The following TEDC2 variants were observed in gnomAD, a reference collection of about 807,000 sequenced individuals.
TEDC2 encodes the protein tubulin epsilon and delta complex 2, also known as tubulin epsilon and delta complex protein 2.
A neutral mutation model predicts 48.1 loss-of-function variants in TEDC2; 49 were observed. The ratio of observed to expected loss-of-function variants is 1.02; its 90% confidence interval spans 0.81 to 1.29. TEDC2 has a LOEUF of 1.29. TEDC2 is among the 50% of genes most tolerant of loss of function. TEDC2 has a pLI of 0.00. For synonymous variants in TEDC2, 299 were observed against 247.1 expected (o/e 1.21, Z -1.97); for missense variants, 631 against 571.4 (o/e 1.10, Z -1.06).
chr16:2,460,221 C>A, intron 1 of TEDC2, 51 bp downstream of exon 1: 1 of 1,455,206 alleles, frequency 6.9e-7, no homozygotes, highest in Non-Finnish European at 9.0e-7. Flanking sequence ...GGGCCGGTAG[C>A]CAGGCGCGGG....
At chr16:2,461,695 T>C in intron 4 of TEDC2, 52 bp from the exon 5 acceptor site, 55 of 1,607,426 alleles carry the variant, frequency 3.4e-5, no homozygotes, top group Non-Finnish European at 4.5e-5. Flanking sequence ...AAGTGGGACT[T>C]GTAGACCCCA....
chr16:2,463,315 C>T (rs557188709), intron 8 of TEDC2, among the ~76,000 whole-genome samples: 1 of 149,370 alleles, frequency 6.7e-6, no homozygotes, highest in African/African-American at 2.5e-5. Context: ...AGTGAGATGC[C>T]GTCTCAGAAA....
At position 2,461,732 on chromosome 16, in the gene TEDC2, G is replaced by A. The variant is rs754093117; in HGVS notation, c.606-15G>A. ...AGCAAGGCGATGCTCCTCTGAACAC[G>A]GGCTTCTCCGACAGGCACCTGCTGC... On this transcript the variant is annotated splice_polypyrimidine_tract_variant and intron_variant, in intron 4 of 9. Transcript: ENST00000361837. 6.2e-6 allele frequency: 10 copies of A among 1,613,160 alleles called. No homozygotes were observed. The highest frequency in any genetic ancestry group is 1.6e-4 in the Middle Eastern group (1 of 6,062).
chr16:2,461,867 A>G (rs2141838550), intron 5 of TEDC2, 67 bp downstream of exon 5: 1 of 1,575,268 alleles, frequency 6.3e-7, no homozygotes. Flanking sequence ...GCTCGGGGAC[A>G]GGTTCGAGAT....
At position 2,464,590 on chromosome 16, in the gene TEDC2, G is replaced by A. The variant is rs757359775; in HGVS notation, c.1224G>A (p.Leu408=). ...AQPQGPPWLA[L]CRAVHSLLCE... ...CGCAGGGGCCGCCCTGGCTGGCCCT[G>A]TGCCGGGCTGTGCACAGCCTGCTCT... The change falls in exon 10 of 10, where the codon CTG becomes CTA. Residue 408 remains leucine (L), a synonymous_variant. Coordinates refer to ENST00000361837, the MANE Select transcript of TEDC2 (RefSeq NM_025108.3). 1 of 1,610,430 alleles carries A rather than the reference G, an allele frequency of 6.2e-7. No individual in the cohort carries two copies. The highest frequency in any genetic ancestry group is 8.5e-7 in the Non-Finnish European group (1 of 1,179,842).
chr16:2,460,170 G>T lies in TEDC2; in HGVS notation c.26G>T (p.Arg9Leu), dbSNP rs1488321694. Reference protein sequence around the residue: MLPAGCSRRLVAELQGALD... With the variant: MLPAGCSRLLVAELQGALD... Reference sequence around the variant, plus strand: ...ATGCTGCCGGCGGGCTGCTCGCGCCGGTGAGGCCTGCGCGGCAGGAGGGGG... The same window carrying T: ...ATGCTGCCGGCGGGCTGCTCGCGCCTGTGAGGCCTGCGCGGCAGGAGGGGG... The change falls in exon 1 of 10, where the codon CGG becomes CTG. Residue 9 changes from arginine (R) to leucine (L), a missense_variant and splice_region_variant. Arg to Leu is a moderately radical substitution (Grantham distance 102). Coordinates refer to ENST00000361837, the MANE Select transcript of TEDC2 (RefSeq NM_025108.3). The T allele has an allele frequency of 1.0e-5, 14 of 1,373,272 alleles. No homozygotes were observed. The highest frequency in any genetic ancestry group is 1.3e-5 in the Non-Finnish European group (14 of 1,073,866). 85.1% of individuals were successfully genotyped at this position (1,373,272 alleles called of 1,614,324 possible).
chr16:2,464,657 C>G lies in TEDC2; in HGVS notation c.1291C>G (p.Pro431Ala), dbSNP rs780392882. 3 of 1,613,086 alleles carry G rather than the reference C, an allele frequency of 1.9e-6. No individual in the cohort carries two copies. Among genetic ancestry groups the G allele is most frequent in the Non-Finnish European group, 2.5e-6 (3 of 1,179,978 alleles). The change falls in exon 10 of 10, where the codon CCT (proline) becomes GCT (alanine). Residue 431 changes from proline to alanine, a missense_variant. Pro to Ala is a conservative substitution (Grantham distance 27, BLOSUM62 -1). Coordinates refer to ENST00000361837, the MANE Select transcript of TEDC2 (RefSeq NM_025108.3). ...TGTCCTTACCATCCTGCGGGATGAACCTGCAGTCTGAGCCTTTCCCATGCT... is the reference window on the plus strand; with the variant it reads ...TGTCCTTACCATCCTGCGGGATGAAGCTGCAGTCTGAGCCTTTCCCATGCT... ...ARVLTILRDE[P>A]AV
At chr16:2,461,334 T>C in intron 4 of TEDC2, 110 bp downstream of exon 4, 1 of 1,325,530 alleles carries the variant, frequency 7.5e-7, no homozygotes, top group Non-Finnish European at 1.0e-6. Flanking sequence ...CATCGAGCCC[T>C]GTGGCATACC....
rs201787877 is a variant in TEDC2, at chr16:2,464,618, G to A, written c.1252G>A (p.Glu418Lys). The A allele has an allele frequency of 1.7e-4, 270 of 1,612,570 alleles. No individual in the cohort carries two copies. The highest frequency in any genetic ancestry group is 1.7e-4 in the Middle Eastern group (1 of 6,060). ...LCRAVHSLLC[E>K]GGARVLTILR... ...CCGGGCTGTGCACAGCCTGCTCTGC[G>A]AGGGAGGAGCACGTGTCCTTACCAT... The change falls in exon 10 of 10, where the codon GAG becomes AAG. Residue 418 changes from glutamate (E) to lysine (K), a missense_variant. Transcript: ENST00000361837.
In TEDC2 at chr16:2,464,134, C is replaced by T. The variant is rs1225523881; in HGVS notation, c.1060C>T (p.Gln354Ter). 1.2e-6 allele frequency: 2 copies of T among 1,612,732 alleles called. No individual in the cohort carries two copies. The highest frequency in any genetic ancestry group is 1.1e-5 in the South Asian group (1 of 91,034). ...GGRAEPAWSP[Q>*]LLVYSSTQEL... ...TAGAGCGGAGCCTGCATGGAGCCCC[C>T]AGCTGCTTGTCTACTCCAGCACCCA... Residue 354 changes from glutamine (Q) to a stop codon, truncating the protein, a stop_gained, in exon 9 of 10, where the codon CAG (glutamine) becomes TAG (stop). Transcript: ENST00000361837. LOFTEE classifies it high-confidence loss of function.
At position 2,462,173 on chromosome 16, in the gene TEDC2, A is replaced by G; in HGVS notation, c.684A>G (p.Thr228=). The G allele has an allele frequency of 6.2e-7, 1 of 1,613,302 alleles. No homozygotes were observed. Residue 228 remains threonine, a synonymous_variant, in exon 6 of 10, where the codon ACA becomes ACG. Transcript: ENST00000361837. ...GCCTGTGGGCCCAGCTCAGTTCCACACAGACCAGTGATTCCACGGATGCCG... is the reference window on the plus strand; with the variant it reads ...GCCTGTGGGCCCAGCTCAGTTCCACGCAGACCAGTGATTCCACGGATGCCG... ...NSSLWAQLSS[T]QTSDSTDAAA...
Position 2,461,222 on chromosome 16 carries a change from G to C in TEDC2, c.603G>C (p.Lys201Asn). The C allele has an allele frequency of 2.0e-6, 3 of 1,467,360 alleles. No homozygotes were observed. Among genetic ancestry groups the C allele is most frequent in the South Asian group, 2.9e-5 (2 of 69,810 alleles). The allele number at this position is 1,467,360 out of a possible 1,614,324, so 90.9% of individuals were successfully genotyped here. A position where few individuals can be genotyped will look rare whatever the true frequency, so the allele number is the denominator to read the frequency against. ...QAPEAFTLKE[K>N]GHLLRLPAAF... ...CAGAAGCCTTCACACTCAAGGAGAA[G>C]GGGTAGGTTTCCCGGACCCTCACTG... Residue 201 changes from lysine (K) to asparagine (N), a missense_variant and splice_region_variant, in exon 4 of 10, where the codon AAG (lysine) becomes AAC (asparagine). Transcript: ENST00000361837.
rs1230625356 is a variant in TEDC2, at chr16:2,462,643, G to A, written c.875G>A (p.Trp292Ter). Residue 292 changes from tryptophan (W) to a stop codon, truncating the protein, a stop_gained, in exon 8 of 10, where the codon TGG (tryptophan) becomes TAG (stop). Coordinates refer to ENST00000361837, the MANE Select transcript of TEDC2 (RefSeq NM_025108.3). LOFTEE classifies it high-confidence loss of function. Reference protein sequence around the residue: ...REELSAAPMDWMQEYRCLLTL... With the variant: ...REELSAAPMD ...GACTCTTCTGCAGCCCCCATGGACT[G>A]GATGCAGGAGTACCGCTGCCTGCTC... The A allele has an allele frequency of 1.9e-6, 3 of 1,547,922 alleles. No homozygotes were observed. The highest frequency in any genetic ancestry group is 2.0e-5 in the Admixed American group (1 of 50,928).
intron 3 of TEDC2, 21 bp downstream of exon 3, chr16:2,460,714 T>A: frequency 2.5e-6 from 4 of 1,612,936 alleles, no homozygotes; most frequent in Non-Finnish European, 3.4e-6. Flanking sequence ...ACCACCCGCC[T>A]TCTCCAGGTG....
In TEDC2 at chr16:2,460,929, C is replaced by A. The variant is rs757308763; in HGVS notation, c.310C>A (p.Pro104Thr). 1 of 1,613,598 alleles carries A rather than the reference C, an allele frequency of 6.2e-7. No homozygotes were observed. Among genetic ancestry groups the A allele is most frequent in the Non-Finnish European group, 8.5e-7 (1 of 1,180,032 alleles). ...TAAGGCCGGAGAGAGAGACAAGGCC[C>A]CCAGCCTGAAATCTAGGTCCATTGT... ...ITKAGERDKA[P>T]SLKSRSIVTS... is the part of the protein sequence containing the mutation. The change falls in exon 4 of 10, where the codon CCC (proline) becomes ACC (threonine). Residue 104 changes from proline (P) to threonine (T), a missense_variant. Coordinates refer to ENST00000361837, the MANE Select transcript of TEDC2 (RefSeq NM_025108.3).
rs2065470833 is a variant in TEDC2, at chr16:2,462,166, G to T, written c.677G>T (p.Ser226Ile). 6.2e-7 allele frequency: 1 copy of T among 1,613,116 alleles called. No individual in the cohort carries two copies. Among genetic ancestry groups the T allele is most frequent in the African/African-American group, 1.3e-5 (1 of 74,948 alleles). The change falls in exon 6 of 10, where the codon AGT (serine) becomes ATT (isoleucine). Residue 226 changes from serine (S) to isoleucine (I), a missense_variant. Coordinates refer to ENST00000361837, the MANE Select transcript of TEDC2 (RefSeq NM_025108.3). ...CACCCCAGCCTGTGGGCCCAGCTCA[G>T]TTCCACACAGACCAGTGATTCCACG... ...SQNSSLWAQL[S>I]STQTSDSTDA...
At position 2,462,700 on chromosome 16, in the gene TEDC2, A is replaced by T; in HGVS notation, c.932A>T (p.Gln311Leu). 6.5e-7 allele frequency: 1 copy of T among 1,544,918 alleles called. No individual in the cohort carries two copies. Among genetic ancestry groups the T allele is most frequent in the South Asian group, 1.2e-5 (1 of 83,968 alleles). Residue 311 changes from glutamine (Q) to leucine (L), a missense_variant, in exon 8 of 10, where the codon CAG becomes CTG. Transcript: ENST00000361837. ...GAGGGGCTGCAGGCCATGGTGGGCC[A>T]GTGTCTGCACAGGCTGCAGGAGCTG... is the stretch of plus-strand genomic sequence containing the variant. ...TLEGLQAMVG[Q>L]CLHRLQELRA...
intron 6 of TEDC2, 67 bp from the exon 7 acceptor site, chr16:2,462,348 C>T (rs2065471948): frequency 5.6e-6 from 9 of 1,602,954 alleles, no homozygotes; most frequent in Non-Finnish European, 7.7e-6. Context: ...GGCCACTCCC[C>T]AGGCCCCGTT....
rs140607427 is a variant in TEDC2, at chr16:2,464,842, T to G, written c.*174T>G. The G allele has an allele frequency of 6.0e-4, 551 of 914,994 alleles. 5 individuals carry two copies. The African/African-American group carries it at 7.5e-3, about 13-fold the overall frequency. The allele number at this position is 914,994 out of a possible 1,614,324, so 56.7% of individuals were successfully genotyped here. A position where few individuals can be genotyped will look rare whatever the true frequency, so the allele number is the denominator to read the frequency against. On this transcript the variant is annotated 3_prime_UTR_variant, in exon 10 of 10. Transcript: ENST00000361837. ...TAAGCCTGCTGGTCAGGGCTGGCTT[T>G]CAGCCTTCCTAAGGCTCCTGGACTC...
Sources: gnomAD v4.1 joint callset for allele counts (sites outside exome capture counted in the v4.1 genomes callset) on GRCh38, gnomAD v4.1.1 for gene constraint, MANE v1.5 for transcripts, NCBI Gene and HGNC (gene_info 2026-07-23, HGNC 2026-07-21) for gene names.